The following PCGF6 variants were observed in gnomAD, a reference collection of about 807,000 sequenced individuals.
PCGF6 encodes polycomb group ring finger 6.
Under a neutral mutation model 45.5 loss-of-function variants are expected in PCGF6, and 24 were observed. That is an observed-to-expected ratio of 0.53 (90% CI 0.38 to 0.74). The LOEUF (loss-of-function observed/expected upper bound fraction) is 0.74, where lower values mean the gene tolerates loss of function less well. PCGF6 is among the 30% of genes least tolerant of loss of function. The pLI is 0.00. For missense variants in PCGF6, 356 were observed against 443.2 expected (o/e 0.80, Z 1.77); for synonymous variants, 152 against 162.1 (o/e 0.94, Z 0.47).
chr10:103,349,800 ACGCTGGGCG>A (rs2093314372), intron 1 of PCGF6, among the ~76,000 whole-genome samples: 7 of 147,848 alleles, frequency 4.7e-5, no homozygotes, highest in Non-Finnish European at 1.0e-4. Flanking sequence ...AAGGATCTTT[ACGCTGGGCG>A]CAGTGGCTCA....
chr10:103,310,840 C>T (rs890817925), intron 9 of PCGF6, among the ~76,000 whole-genome samples: 5 of 152,094 alleles, frequency 3.3e-5, no homozygotes, highest in South Asian at 4.2e-4. Flanking sequence ...GTAGTTGGGA[C>T]TATAGGCATG....
intron 8 of PCGF6, among the ~76,000 whole-genome samples, chr10:103,319,298 C>T (rs2093187848): frequency 6.6e-6 from 1 of 152,048 alleles, no homozygotes; most frequent in Admixed American, 6.6e-5. Context: ...TACAGGCGTA[C>T]CACCATGCCC....
At chr10:103,350,462 T>A (rs1379816062) in intron 1 of PCGF6, among the ~76,000 whole-genome samples, 10 of 152,004 alleles carry the variant, frequency 6.6e-5, no homozygotes, top group Non-Finnish European at 1.5e-4. Flanking sequence ...AACGAATGAG[T>A]TGGACTCGCA....
At chr10:103,312,084 CAA>C (rs1225426465) in intron 9 of PCGF6, among the ~76,000 whole-genome samples, 2 of 47,242 alleles carry the variant, frequency 4.2e-5, no homozygotes, top group African/African-American at 9.4e-5. Flanking sequence ...ACTCTGTCTC[CAA>C]AAAAAAAAAA....
At chr10:103,342,956 G>A (rs1186182338) in intron 6 of PCGF6, among the ~76,000 whole-genome samples, 5 of 151,716 alleles carry the variant, frequency 3.3e-5, no homozygotes, top group Non-Finnish European at 7.4e-5. Flanking sequence ...TTTTTGAGAC[G>A]GAGTCTCTGC....
At chr10:103,310,228 A>C (rs905587402) in intron 9 of PCGF6, among the ~76,000 whole-genome samples, 18 of 151,774 alleles carry the variant, frequency 1.2e-4, no homozygotes, top group African/African-American at 4.3e-4. Context: ...CTGGGATTAC[A>C]GGCATGAGCC....
chr10:103,330,143 C>T lies in PCGF6; in HGVS notation c.811-3511G>A, dbSNP rs111923042. On this transcript the variant is annotated intron_variant, in intron 7 of 9. Transcript: ENST00000369847. ...AGGCTGGAATGCAGTGGCGCAATCT[C>T]GGCTCACTGCAGCCTCTGCCTCCCG... 4.0e-5 allele frequency among the ~76,000 whole-genome samples: 6 copies of T among 150,852 alleles called. No individual in the cohort carries two copies. In the East Asian group the frequency reaches 7.8e-4, roughly 20 times the overall value.
At chr10:103,322,658 T>C (rs1160945945) in intron 8 of PCGF6, among the ~76,000 whole-genome samples, 1 of 151,502 alleles carries the variant, frequency 6.6e-6, no homozygotes, top group Non-Finnish European at 1.5e-5. Context: ...CCATCTCTAC[T>C]AAAAAATACA....
At chr10:103,310,849 T>C (rs1240706926) in intron 9 of PCGF6, among the ~76,000 whole-genome samples, 3 of 152,146 alleles carry the variant, frequency 2.0e-5, no homozygotes, top group African/African-American at 7.2e-5. Flanking sequence ...ACTATAGGCA[T>C]GTGCCACCAC....
At chr10:103,315,982 G>GTA (rs1564724936) in intron 8 of PCGF6, among the ~76,000 whole-genome samples, 3 of 78,964 alleles carry the variant, frequency 3.8e-5, no homozygotes, top group African/African-American at 1.2e-4. Context: ...GTGTGTGTGT[G>GTA]TGTGTGTGTG....
chr10:103,304,062 T>A, intron 9 of PCGF6, 101 bp from the exon 10 acceptor site: 1 of 857,136 alleles, frequency 1.2e-6, no homozygotes, highest in Non-Finnish European at 1.9e-6. Flanking sequence ...AATCTAACAC[T>A]AAGGTGAAAT....
At chr10:103,326,682 A>G (rs372538289) in intron 7 of PCGF6, 50 bp from the exon 8 acceptor site, 4 of 1,357,216 alleles carry the variant, frequency 2.9e-6, no homozygotes, top group African/African-American at 2.9e-5. Context: ...ATACCTGTAC[A>G]TGCATGACGT....
chr10:103,344,776 G>T (rs980981177), intron 6 of PCGF6, among the ~76,000 whole-genome samples: 11 of 151,686 alleles, frequency 7.3e-5, no homozygotes, highest in African/African-American at 2.7e-4. Context: ...CGCCATGTTA[G>T]CCAGGCTGGT....
chr10:103,313,848 A>G (rs1477963990), intron 9 of PCGF6, among the ~76,000 whole-genome samples: 1 of 152,202 alleles, frequency 6.6e-6, no homozygotes, highest in Admixed American at 6.5e-5. Flanking sequence ...CAAGGCTTTT[A>G]GAATCAAACT....
At chr10:103,331,585 A>G (rs1259847545) in intron 7 of PCGF6, among the ~76,000 whole-genome samples, 3 of 152,182 alleles carry the variant, frequency 2.0e-5, no homozygotes, top group African/African-American at 7.2e-5. Context: ...AAATACATAT[A>G]TATTTCAAAT....
intron 6 of PCGF6, among the ~76,000 whole-genome samples, chr10:103,335,509 CCCA>C (rs2093253443): frequency 6.6e-6 from 1 of 152,030 alleles, no homozygotes; most frequent in South Asian, 2.1e-4. Context: ...ACTACAGGCA[CCCA>C]CCACCACACC....
intron 6 of PCGF6, among the ~76,000 whole-genome samples, chr10:103,344,072 A>G (rs1305007864): frequency 2.6e-5 from 4 of 152,262 alleles, no homozygotes; most frequent in South Asian, 4.1e-4. Context: ...AAGATAAGAA[A>G]TAATATATTC....
chr10:103,340,007 C>CAAAAAAAAAAAA (rs60211186), intron 6 of PCGF6, among the ~76,000 whole-genome samples: 2 of 60,112 alleles, frequency 3.3e-5, no homozygotes, highest in Non-Finnish European at 2.9e-5. Flanking sequence ...ACTAAAAATA[C>CAAAAAAAAAAAA]AAAAAAAAAA....
rs750554716 is a variant in PCGF6, at chr10:103,351,001, G to A, written c.66C>T (p.Ala22=). The change falls in exon 1 of 10, where the codon GCC becomes GCT. Residue 22 remains alanine, a synonymous_variant. Coordinates refer to ENST00000369847, the MANE Select transcript of PCGF6 (RefSeq NM_001011663.2). ...GGGAGACAGGAGGCGGAGGCGGCAA[G>A]GCTGCAGCTCCCTCGGTTTTGGCAG... ...VGAAKTEGAA[A]LPPPPPVSPP... is the part of the protein sequence containing the mutation. 40 of 1,196,982 alleles carry A rather than the reference G, an allele frequency of 3.3e-5. No homozygotes were observed. The highest frequency in any genetic ancestry group is 4.3e-5 in the Non-Finnish European group (39 of 908,770). The allele number at this position is 1,196,982 out of a possible 1,614,324, so 74.1% of individuals were successfully genotyped here.
Sources: gnomAD v4.1 joint callset for allele counts (sites outside exome capture counted in the v4.1 genomes callset) on GRCh38, gnomAD v4.1.1 for gene constraint, MANE v1.5 for transcripts, NCBI Gene and HGNC (gene_info 2026-07-23, HGNC 2026-07-21) for gene names.